Variants in LRBA observed in about 807,000 individuals in gnomAD.
LRBA encodes lipopolysaccharide-responsive and beige-like anchor protein.
A neutral mutation model predicts 330.0 loss-of-function variants in LRBA; 176 were observed. The ratio of observed to expected loss-of-function variants is 0.53; its 90% confidence interval spans 0.47 to 0.60. The LOEUF (loss-of-function observed/expected upper bound fraction) is 0.60, where lower values mean the gene tolerates loss of function less well. Ranked by LOEUF, LRBA falls within the 20% of genes least tolerant of loss-of-function variation. LRBA has a pLI of 0.00. For missense variants in LRBA, 3,259 were observed against 3,444.8 expected (o/e 0.95, Z 1.35); for synonymous variants, 1,230 against 1,193.0 (o/e 1.03, Z -0.64).
intron 40 of LRBA, among the ~76,000 whole-genome samples, chr4:150,506,722 G>C (rs1441580604): frequency 6.6e-6 from 1 of 152,162 alleles, no homozygotes; most frequent in East Asian, 1.9e-4. Context: ...TGGAAGTTCT[G>C]GCCAGGGCAA....
At chr4:150,873,932 A>C (rs1753725328) in intron 17 of LRBA, among the ~76,000 whole-genome samples, 1 of 152,192 alleles carries the variant, frequency 6.6e-6, no homozygotes, top group African/African-American at 2.4e-5. Context: ...ATCACATTGT[A>C]ACTGCATAAT....
At chr4:150,663,519 C>T (rs1210184286) in intron 37 of LRBA, among the ~76,000 whole-genome samples, 2 of 149,802 alleles carry the variant, frequency 1.3e-5, no homozygotes, top group Non-Finnish European at 1.5e-5. Context: ...TTCAATTGAA[C>T]TTAGGACAGT....
intron 48 of LRBA, among the ~76,000 whole-genome samples, chr4:150,331,376 C>T (rs1733970726): frequency 6.6e-6 from 1 of 152,174 alleles, no homozygotes; most frequent in African/African-American, 2.4e-5. Flanking sequence ...GCCTCAACTG[C>T]TCTTAATGAA....
intron 40 of LRBA, among the ~76,000 whole-genome samples, chr4:150,515,475 G>A (rs530946745): frequency 6.6e-6 from 1 of 152,218 alleles, no homozygotes; most frequent in South Asian, 2.1e-4. Flanking sequence ...CAGTCATGTA[G>A]GCTTCTCACC....
intron 39 of LRBA, 142 bp downstream of exon 39, chr4:150,590,571 G>A (rs540369024): frequency 7.7e-6 from 5 of 649,516 alleles, no homozygotes; most frequent in African/African-American, 1.8e-5. Context: ...ACTGTAGAAG[G>A]GGGGGAAGTA....
intron 40 of LRBA, among the ~76,000 whole-genome samples, chr4:150,534,293 T>C (rs1764378642): frequency 6.7e-6 from 1 of 149,972 alleles, no homozygotes; most frequent in South Asian, 2.1e-4. Flanking sequence ...GTTGTATACA[T>C]ATGTAACTAA....
chr4:150,884,973 C>T (rs894969336), intron 17 of LRBA, among the ~76,000 whole-genome samples: 6 of 151,672 alleles, frequency 4.0e-5, no homozygotes, highest in African/African-American at 1.5e-4. Context: ...TATAAAAAGA[C>T]CAAATGGAAA....
chr4:150,585,963 T>G (rs778422064), intron 40 of LRBA, among the ~76,000 whole-genome samples: 5 of 152,162 alleles, frequency 3.3e-5, no homozygotes, highest in Non-Finnish European at 5.9e-5. Flanking sequence ...AGTCCTGTGT[T>G]AAAAATATAA....
chr4:150,805,003 T>C (rs1403087696), intron 33 of LRBA, among the ~76,000 whole-genome samples: 1 of 152,058 alleles, frequency 6.6e-6, no homozygotes, highest in East Asian at 1.9e-4. Context: ...GATTGGTATT[T>C]TGAAGTCAGT....
intron 13 of LRBA, among the ~76,000 whole-genome samples, chr4:150,901,969 A>G (rs983320747): frequency 3.9e-5 from 6 of 152,192 alleles, no homozygotes; most frequent in Admixed American, 2.0e-4. Flanking sequence ...GTATCATGGA[A>G]ATACAGTGGC....
chr4:150,580,927 G>GA (rs1719823667), intron 40 of LRBA: 1 of 152,680 alleles, frequency 6.5e-6, no homozygotes, highest in Admixed American at 6.5e-5. Context: ...AGTCAATTAT[G>GA]AAAATAAAAT....
chr4:150,746,897 GC>G (rs1369657066), intron 35 of LRBA, among the ~76,000 whole-genome samples: 1 of 152,062 alleles, frequency 6.6e-6, no homozygotes, highest in Non-Finnish European at 1.5e-5. Context: ...TATGATAATA[GC>G]CTCCAATCCA....
chr4:150,509,579 AAG>A lies in LRBA; in HGVS notation c.6331-18546_6331-18545del, dbSNP rs1197339900. Among the ~76,000 whole-genome samples the A allele has an allele frequency of 3.9e-5, 6 of 151,990 alleles. No individual in the cohort carries two copies. In the East Asian group the frequency reaches 9.6e-4, roughly 24 times the overall value. On this transcript the variant is annotated intron_variant, in intron 40 of 56. Transcript: ENST00000651943. ...AAAGAATAGAAAACCAAAAAAAAAA[AAG>A]AGAGAAATATCACTAAAACCTAAAG...
At chr4:150,857,015 T>C (rs1751308042) in intron 22 of LRBA, among the ~76,000 whole-genome samples, 2 of 152,174 alleles carry the variant, frequency 1.3e-5, no homozygotes, top group South Asian at 2.1e-4. Context: ...TAAAACCGTA[T>C]AACCTGTAAA....
At position 150,809,594 on chromosome 4, in the gene LRBA, C is replaced by G. The variant is rs555554772; in HGVS notation, c.5306-1196G>C. ...TTTTGGCCAGGTGCAGTGGCTCACGCCAGTAATCCCAACACTTTGGGAGGC... is the reference window on the plus strand; with the variant it reads ...TTTTGGCCAGGTGCAGTGGCTCACGGCAGTAATCCCAACACTTTGGGAGGC... On this transcript the variant is annotated intron_variant, in intron 31 of 56. Transcript: ENST00000651943. Among the ~76,000 whole-genome samples the G allele has an allele frequency of 2.0e-5, 3 of 152,218 alleles. No individual in the cohort carries two copies. In the South Asian group the frequency reaches 6.2e-4, roughly 32 times the overall value.
At chr4:150,813,103 A>C (rs1045550383) in intron 31 of LRBA, among the ~76,000 whole-genome samples, 1 of 151,220 alleles carries the variant, frequency 6.6e-6, no homozygotes, top group Admixed American at 6.6e-5. Flanking sequence ...GCTGCAGTTG[A>C]GCTATGATTG....
intron 47 of LRBA, among the ~76,000 whole-genome samples, chr4:150,387,345 AAT>A (rs1743235927): frequency 6.6e-6 from 1 of 152,178 alleles, no homozygotes; most frequent in African/African-American, 2.4e-5. Context: ...TAAATACCAC[AAT>A]GAGAGTTCTT....
chr4:150,350,296 G>A, intron 47 of LRBA, 137 bp from the exon 48 acceptor site: 1 of 667,570 alleles, frequency 1.5e-6, no homozygotes, highest in Non-Finnish European at 2.3e-6. Context: ...TTGTGGCCGG[G>A]CGCAGTGGCT....
intron 40 of LRBA, among the ~76,000 whole-genome samples, chr4:150,571,300 CTT>C (rs746694981): frequency 6.6e-5 from 10 of 151,956 alleles, no homozygotes; most frequent in Non-Finnish European, 1.3e-4. Context: ...TCAGGTAAAT[CTT>C]TTCTCTAATC....
Sources: allele counts gnomAD v4.1 joint callset (sites outside exome capture counted in the v4.1 genomes callset), GRCh38; gene constraint gnomAD v4.1.1; transcripts MANE v1.5; gene names NCBI Gene and HGNC (gene_info 2026-07-23, HGNC 2026-07-21).